Variants in UNC5D observed in about 807,000 individuals in gnomAD.
UNC5D encodes netrin receptor UNC5D.
UNC5D carries 39 observed loss-of-function variants against 105.4 expected under a neutral mutation model. That is an observed-to-expected ratio of 0.37 (90% confidence interval 0.29 to 0.48). UNC5D has a LOEUF of 0.48. UNC5D is among the 20% of genes least tolerant of loss of function. UNC5D has a pLI of 0.98. For missense variants in UNC5D, 991 were observed against 1,202.4 expected, an observed-to-expected ratio of 0.82 and a Z score of 2.60; for synonymous variants, 452 against 450.4, an observed-to-expected ratio of 1.00 and a Z score of -0.04.
chr8:35,635,239 A>G (rs549629384), intron 4 of UNC5D, among the ~76,000 whole-genome samples: 1 of 151,724 alleles, frequency 6.6e-6, no homozygotes. Flanking sequence ...CAGGTATCTC[A>G]TTTTGAGTAT....
intron 4 of UNC5D, among the ~76,000 whole-genome samples, chr8:35,613,169 C>T (rs1820802105): frequency 6.6e-6 from 1 of 152,198 alleles, no homozygotes; most frequent in Non-Finnish European, 1.5e-5. Flanking sequence ...CCTCTGCCTC[C>T]CAGGCTTAAG....
At chr8:35,559,119 G>A (rs1816776535) in intron 2 of UNC5D, among the ~76,000 whole-genome samples, 1 of 152,120 alleles carries the variant, frequency 6.6e-6, no homozygotes, top group Admixed American at 6.5e-5. Flanking sequence ...TACAAAAAAT[G>A]GAATACTCAT....
intron 1 of UNC5D, among the ~76,000 whole-genome samples, chr8:35,356,777 T>G (rs1232060009): frequency 6.6e-6 from 1 of 152,070 alleles, no homozygotes; most frequent in East Asian, 1.9e-4. Flanking sequence ...AAGGGTGACT[T>G]GAACACAAGC....
chr8:35,374,536 C>A (rs1238876489), intron 1 of UNC5D, among the ~76,000 whole-genome samples: 1 of 152,092 alleles, frequency 6.6e-6, no homozygotes, highest in Non-Finnish European at 1.5e-5. Context: ...GAGACTAGAC[C>A]AAAAGGAGAC....
intron 2 of UNC5D, among the ~76,000 whole-genome samples, chr8:35,554,911 A>G (rs973043861): frequency 6.6e-6 from 1 of 152,158 alleles, no homozygotes; most frequent in African/African-American, 2.4e-5. Context: ...AACTGGAGTC[A>G]CTCTCTGGGG....
chr8:35,564,153 T>G (rs1817161934), intron 2 of UNC5D, among the ~76,000 whole-genome samples: 2 of 151,606 alleles, frequency 1.3e-5, no homozygotes, highest in Non-Finnish European at 2.9e-5. Context: ...CCTCTTCAAT[T>G]TTTTTTTTAA....
intron 1 of UNC5D, among the ~76,000 whole-genome samples, chr8:35,402,638 A>T (rs1315367127): frequency 6.6e-6 from 1 of 152,006 alleles, no homozygotes; most frequent in Non-Finnish European, 1.5e-5. Context: ...CTGTTCACCA[A>T]CTCGGTGATC....
At chr8:35,647,388 T>TTGTGTGTGTG (rs10630575) in intron 4 of UNC5D, among the ~76,000 whole-genome samples, 70 of 147,334 alleles carry the variant, frequency 4.8e-4, no homozygotes, top group Middle Eastern at 6.5e-3. Context: ...TCCTGTGTAT[T>TTGTGTGTGTG]TGTGTGTGTG....
chr8:35,301,986 C>G (rs149454527), intron 1 of UNC5D, among the ~76,000 whole-genome samples: 3 of 152,180 alleles, frequency 2.0e-5, no homozygotes, highest in African/African-American at 4.8e-5. Context: ...TGAGAGAGAA[C>G]AAACCTGGGA....
chr8:35,640,829 G>T (rs1258468222), intron 4 of UNC5D, among the ~76,000 whole-genome samples: 3 of 152,062 alleles, frequency 2.0e-5, no homozygotes, highest in Admixed American at 6.6e-5. Flanking sequence ...ACAAAGAAAA[G>T]AATGTTTTCT....
At chr8:35,657,072 GTGTGTGTGTATATATA>G (rs1563637578) in intron 4 of UNC5D, among the ~76,000 whole-genome samples, 4 of 99,056 alleles carry the variant, frequency 4.0e-5, no homozygotes, top group Admixed American at 3.1e-4. Context: ...GTGTGTGTGT[GTGTGTGTGTATATATA>G]TATATATATA....
chr8:35,284,311 T>TA (rs1806423172), intron 1 of UNC5D, among the ~76,000 whole-genome samples: 1 of 152,174 alleles, frequency 6.6e-6, no homozygotes, highest in Non-Finnish European at 1.5e-5. Flanking sequence ...ATTGAATGCT[T>TA]AAAAAATTCA....
Position 35,659,386 on chromosome 8 carries a change from G to C in UNC5D, c.571-24161G>C, listed in dbSNP as rs562945607. ...TTGTGAAATGAAGACTTATGTATTT[G>C]ATTATTACCATGACAAAACAATGTG... On this transcript the variant is annotated intron_variant, in intron 4 of 16. Coordinates refer to ENST00000404895, the MANE Select transcript of UNC5D (RefSeq NM_080872.4). Among the ~76,000 whole-genome samples the C allele has an allele frequency of 9.1e-4, 138 of 152,244 alleles. 2 individuals carry two copies. The highest frequency in any genetic ancestry group is 9.6e-4 in the Non-Finnish European group (65 of 68,018).
At chr8:35,336,371 G>T (rs1276547389) in intron 1 of UNC5D, among the ~76,000 whole-genome samples, 1 of 151,992 alleles carries the variant, frequency 6.6e-6, no homozygotes, top group East Asian at 1.9e-4. Flanking sequence ...ATGATGAGAT[G>T]CTTCCTTAAC....
At chr8:35,552,310 C>T (rs1816220196) in intron 2 of UNC5D, among the ~76,000 whole-genome samples, 1 of 150,680 alleles carries the variant, frequency 6.6e-6, no homozygotes, top group African/African-American at 2.4e-5. Flanking sequence ...CCAGATCTCC[C>T]GATTTCTCCT....
intron 2 of UNC5D, among the ~76,000 whole-genome samples, chr8:35,551,692 C>A (rs1816154054): frequency 6.6e-6 from 1 of 151,944 alleles, no homozygotes; most frequent in Admixed American, 6.6e-5. Context: ...GTGACGGGTG[C>A]CTGTAGTCCC....
At chr8:35,651,267 T>C (rs66622867) in intron 4 of UNC5D, among the ~76,000 whole-genome samples, 21,649 of 152,096 alleles carry the variant, frequency 0.14, 3,167 homozygotes, top group African/African-American at 0.37. Flanking sequence ...TGTATGTAAA[T>C]ACAGGGAACT....
chr8:35,452,560 G>A (rs545202440), intron 1 of UNC5D, among the ~76,000 whole-genome samples: 10 of 152,040 alleles, frequency 6.6e-5, no homozygotes, highest in Non-Finnish European at 1.3e-4. Context: ...CACCGTGCCC[G>A]GCCTAATATC....
chr8:35,789,175 A>ATATATATATATATATATATATATG (rs1563765126), intron 16 of UNC5D, among the ~76,000 whole-genome samples: 8 of 95,056 alleles, frequency 8.4e-5, no homozygotes, highest in African/African-American at 3.0e-4. Flanking sequence ...ATATATATAT[A>ATATATATATATATATATATATATG]TATATATATA....
Sources: gnomAD v4.1 joint callset for allele counts (sites outside exome capture counted in the v4.1 genomes callset) on GRCh38, gnomAD v4.1.1 for gene constraint, MANE v1.5 for transcripts, NCBI Gene and HGNC (gene_info 2026-07-23, HGNC 2026-07-21) for gene names.